Variants in CPEB1 observed in about 807,000 individuals in gnomAD.
CPEB1 encodes cytoplasmic polyadenylation element binding protein 1.
CPEB1 carries 7 observed loss-of-function variants against 65.8 expected under a neutral mutation model. The observed-to-expected ratio is 0.11, with a 90% CI of 0.06 to 0.20. CPEB1 has a LOEUF of 0.20. Among genes scored for constraint, CPEB1 ranks in the 10% least tolerant of loss-of-function variants. The pLI is 1.00. For missense variants in CPEB1, 551 were observed against 712.2 expected, an observed-to-expected ratio of 0.77 and a Z score of 2.58; for synonymous variants, 262 against 260.0, an observed-to-expected ratio of 1.01 and a Z score of -0.08.
intron 3 of CPEB1, among the ~76,000 whole-genome samples, chr15:82,600,309 A>G (rs1238122867): frequency 6.6e-6 from 1 of 152,246 alleles, no homozygotes; most frequent in East Asian, 1.9e-4. Flanking sequence ...AATACATCCT[A>G]AGAAATGAAC....
intron 9 of CPEB1, among the ~76,000 whole-genome samples, chr15:82,551,475 G>T (rs1450270340): frequency 6.6e-6 from 1 of 151,954 alleles, no homozygotes; most frequent in East Asian, 1.9e-4. Context: ...ACCTTCTATG[G>T]GTTTGGACCA....
chr15:82,561,467 T>G (rs1197392365), intron 4 of CPEB1, among the ~76,000 whole-genome samples: 1 of 152,098 alleles, frequency 6.6e-6, no homozygotes, highest in Non-Finnish European at 1.5e-5. Context: ...AGAAACAGCA[T>G]AAAGCAGAAC....
At chr15:82,601,670 T>C (rs72751665) in intron 3 of CPEB1, among the ~76,000 whole-genome samples, 12,832 of 152,178 alleles carry the variant, frequency 0.084, 836 homozygotes, top group African/African-American at 0.17. Context: ...AGGTCACTGA[T>C]TGACAGGTTG....
chr15:82,620,730 G>A (rs539395419), intron 3 of CPEB1, among the ~76,000 whole-genome samples: 5 of 152,292 alleles, frequency 3.3e-5, no homozygotes, highest in Admixed American at 1.3e-4. Flanking sequence ...TTGAGCCCAG[G>A]AGTTCAAGGC....
At chr15:82,628,994 A>G (rs2151325301) in intron 1 of CPEB1, 1 of 157,682 alleles carries the variant, frequency 6.3e-6, no homozygotes, top group East Asian at 1.9e-4. Flanking sequence ...AAAGTTATAC[A>G]TAGATATTTG....
chr15:82,581,540 A>T (rs1260566980), intron 3 of CPEB1, among the ~76,000 whole-genome samples: 5 of 152,206 alleles, frequency 3.3e-5, no homozygotes, highest in Non-Finnish European at 7.3e-5. Flanking sequence ...TTTCCCCAGC[A>T]GCAGTACCAT....
At chr15:82,611,860 G>C (rs1218139240) in intron 3 of CPEB1, among the ~76,000 whole-genome samples, 1 of 151,410 alleles carries the variant, frequency 6.6e-6, no homozygotes, top group African/African-American at 2.4e-5. Flanking sequence ...ATCGGGGGAG[G>C]GAGGGATCAA....
intron 3 of CPEB1, 180 bp from the exon 4 acceptor site, chr15:82,571,712 C>A: frequency 7.0e-7 from 1 of 1,429,582 alleles, no homozygotes; most frequent in Non-Finnish European, 9.1e-7. Context: ...GAGCAGTTGC[C>A]ATACAGGCCC....
Position 82,554,073 on chromosome 15 carries a change from G to A in CPEB1, c.941-82C>T, listed in dbSNP as rs925155342. On this transcript the variant is annotated intron_variant, in intron 6 of 12. Transcript: ENST00000684509. ...CTCTTCCCTGGGGTGAACTTGTCCAGTAAGAACCTGACTGGCCACAATCCT... is the reference window on the plus strand; with the variant it reads ...CTCTTCCCTGGGGTGAACTTGTCCAATAAGAACCTGACTGGCCACAATCCT... 4.8e-5 allele frequency: 37 copies of A among 774,202 alleles called. No individual in the cohort carries two copies. In the East Asian group the frequency reaches 9.1e-4, roughly 19 times the overall value. 48.0% of individuals were successfully genotyped at this position (774,202 alleles called of 1,614,324 possible).
chr15:82,559,293 C>T (rs538120560), intron 4 of CPEB1, among the ~76,000 whole-genome samples: 1 of 152,302 alleles, frequency 6.6e-6, no homozygotes, highest in Admixed American at 6.5e-5. Flanking sequence ...ACCAGACCAG[C>T]CCACGCTCCT....
At chr15:82,584,258 CAAAAAAAAAAAA>C (rs71156038) in intron 3 of CPEB1, among the ~76,000 whole-genome samples, 19 of 53,294 alleles carry the variant, frequency 3.6e-4, no homozygotes, top group African/African-American at 1.1e-3. Flanking sequence ...GACTCCGTCT[CAAAAAAAAAAAA>C]AAAAAAAAAA....
At chr15:82,579,849 T>G (rs2041068530) in intron 3 of CPEB1, among the ~76,000 whole-genome samples, 3 of 130,056 alleles carry the variant, frequency 2.3e-5, no homozygotes, top group Non-Finnish European at 4.6e-5. Flanking sequence ...GAAGCGGAGC[T>G]TGCAGTGAGC....
intron 1 of CPEB1, among the ~76,000 whole-genome samples, chr15:82,630,602 T>A (rs2046157833): frequency 6.6e-6 from 1 of 151,260 alleles, no homozygotes; most frequent in African/African-American, 2.4e-5. Flanking sequence ...CAAGACCCTG[T>A]CTCAAAAAAA....
At chr15:82,627,168 G>A (rs756837753) in intron 3 of CPEB1, 25 bp downstream of exon 3, 6 of 1,598,822 alleles carry the variant, frequency 3.8e-6, no homozygotes, top group Admixed American at 3.4e-5. Context: ...TGCCTACCAC[G>A]TTCAAGTTTT....
intron 3 of CPEB1, among the ~76,000 whole-genome samples, chr15:82,622,933 A>C (rs72751671): frequency 0.01 from 1,547 of 152,246 alleles, 14 homozygotes; most frequent in African/African-American, 0.011. Context: ...CCTCTTTATA[A>C]GCCAGGGAAG....
At position 82,546,399 on chromosome 15, in the gene CPEB1, ATTT is replaced by A. The variant is rs758598215; in HGVS notation, c.1656+39_1656+41del. ...TGTGAACCACCGCGCCCAGCCAACA[ATTT>A]TTAATAGAGGGCAGGGACTTCATAG... is the stretch of plus-strand genomic sequence containing the variant. On this transcript the variant is annotated intron_variant, in intron 12 of 12. Coordinates refer to ENST00000684509, the MANE Select transcript of CPEB1 (RefSeq NM_001365242.1). The A allele has an allele frequency of 1.9e-5, 30 of 1,566,524 alleles. No individual in the cohort carries two copies. The African/African-American group carries it at 3.9e-4, about 21-fold the overall frequency.
intron 1 of CPEB1, among the ~76,000 whole-genome samples, chr15:82,632,224 C>T (rs987152693): frequency 2.6e-5 from 4 of 151,934 alleles, no homozygotes; most frequent in African/African-American, 4.8e-5. Flanking sequence ...CCTCATGATC[C>T]GCCCACCTTG....
intron 3 of CPEB1, among the ~76,000 whole-genome samples, chr15:82,610,553 GAAC>G (rs1007208302): frequency 7.3e-5 from 11 of 151,586 alleles, no homozygotes; most frequent in African/African-American, 2.4e-4. Flanking sequence ...AATATTAATA[GAAC>G]AAAAGTAAAA....
At chr15:82,545,901 AGT>A (rs2035104176) in intron 12 of CPEB1, among the ~76,000 whole-genome samples, 1 of 152,194 alleles carries the variant, frequency 6.6e-6, no homozygotes, top group Admixed American at 6.5e-5. Flanking sequence ...TCTCAGCAAT[AGT>A]GGCATACTGC....
Sources: gnomAD v4.1 joint callset for allele counts (sites outside exome capture counted in the v4.1 genomes callset) on GRCh38, gnomAD v4.1.1 for gene constraint, MANE v1.5 for transcripts, NCBI Gene and HGNC (gene_info 2026-07-23, HGNC 2026-07-21) for gene names.